NRXN2: variants seen among roughly 807,000 people sequenced by gnomAD.
NRXN2 encodes the protein neurexin 2.
Under a neutral mutation model 128.8 loss-of-function variants are expected in NRXN2, and 29 were observed. The observed-to-expected ratio is 0.23, with a 90% CI of 0.17 to 0.31. The LOEUF is 0.31. NRXN2 is among the 10% of genes least tolerant of loss of function. The pLI, the probability that NRXN2 is intolerant of heterozygous loss-of-function variation, is 1.00. For synonymous variants in NRXN2, 1,098 were observed against 1,075.2 expected, an observed-to-expected ratio of 1.02 and a Z score of -0.41; for missense variants, 1,881 against 2,452.6, an observed-to-expected ratio of 0.77 and a Z score of 4.92.
chr11:64,627,268 C>T lies in NRXN2; in HGVS notation c.3758-716G>A, dbSNP rs147986884. Among the ~76,000 whole-genome samples the T allele has an allele frequency of 6.0e-4, 92 of 152,082 alleles. No individual in the cohort carries two copies. In the Middle Eastern group the frequency reaches 0.01, roughly 17 times the overall value. Reference sequence around the variant, plus strand: ...CAAGGCCTCCTCACCCTGGTCAGGGCTCTCTTTCTACTGGGCAGCCACTAC... The same window carrying T: ...CAAGGCCTCCTCACCCTGGTCAGGGTTCTCTTTCTACTGGGCAGCCACTAC... On this transcript the variant is annotated intron_variant, in intron 19 of 22. Coordinates refer to ENST00000265459, the MANE Select transcript of NRXN2 (RefSeq NM_015080.4).
At chr11:64,627,314 G>T (rs1037046111) in intron 19 of NRXN2, among the ~76,000 whole-genome samples, 1 of 151,792 alleles carries the variant, frequency 6.6e-6, no homozygotes, top group Non-Finnish European at 1.5e-5. Flanking sequence ...CCTGGTGTGG[G>T]AGCTGGATCA....
chr11:64,640,033 T>C (rs1002079203), intron 17 of NRXN2, among the ~76,000 whole-genome samples: 13 of 151,966 alleles, frequency 8.6e-5, no homozygotes, highest in African/African-American at 2.9e-4. Context: ...CCCTCGTCCT[T>C]CCTCTCAGCT....
intron 12 of NRXN2, 53 bp downstream of exon 12, chr11:64,653,643 T>G: frequency 6.5e-7 from 1 of 1,542,096 alleles, no homozygotes. Context: ...AATCCCAGCG[T>G]CCAGCATCCC....
In NRXN2 at chr11:64,608,101, G is replaced by T. The variant is rs200425317; in HGVS notation, c.4253-19C>A. On this transcript the variant is annotated intron_variant, in intron 22 of 22. Coordinates refer to ENST00000265459, the MANE Select transcript of NRXN2 (RefSeq NM_015080.4). ...TCTCCTCCTAGAACAAGAGAGAGAA[G>T]AGAAAAGAGAGGGCGTCAGCGAGGG... is the stretch of plus-strand genomic sequence containing the variant. The T allele has an allele frequency of 4.6e-5, 72 of 1,574,490 alleles. No homozygotes were observed. Among genetic ancestry groups the T allele is most frequent in the Non-Finnish European group, 6.0e-5 (70 of 1,165,196 alleles).
intron 7 of NRXN2, among the ~76,000 whole-genome samples, chr11:64,671,080 G>T (rs2050569420): frequency 6.6e-6 from 1 of 152,168 alleles, no homozygotes; most frequent in African/African-American, 2.4e-5. Context: ...TTTCCCTCCT[G>T]ACTGGGCACA....
chr11:64,621,945 A>G (rs1264158177), intron 21 of NRXN2, among the ~76,000 whole-genome samples: 1 of 152,034 alleles, frequency 6.6e-6, no homozygotes, highest in East Asian at 1.9e-4. Context: ...GACCTGACCC[A>G]GGAAACACCT....
chr11:64,650,757 G>A, intron 14 of NRXN2, 119 bp from the exon 15 acceptor site: 1 of 972,278 alleles, frequency 1.0e-6, no homozygotes, highest in African/African-American at 1.6e-5. Context: ...GATTGAAAGG[G>A]AGACCCCAGA....
intron 6 of NRXN2, among the ~76,000 whole-genome samples, chr11:64,678,474 CCT>C (rs945402087): frequency 6.6e-6 from 1 of 152,058 alleles, no homozygotes; most frequent in Non-Finnish European, 1.5e-5. Context: ...CCCATAAACC[CCT>C]GAGTCTCCAC....
intron 2 of NRXN2, among the ~76,000 whole-genome samples, chr11:64,700,961 C>G (rs200416612): frequency 1.3e-5 from 2 of 152,194 alleles, no homozygotes; most frequent in South Asian, 4.1e-4. Flanking sequence ...GGCCAATCAC[C>G]GGGTCCTACT....
At chr11:64,677,609 G>C (rs1308163773) in intron 6 of NRXN2, among the ~76,000 whole-genome samples, 1 of 152,226 alleles carries the variant, frequency 6.6e-6, no homozygotes, top group Non-Finnish European at 1.5e-5. Context: ...TTTTCCAACA[G>C]AGGGTGAGAG....
chr11:64,676,564 C>T (rs998125059), intron 7 of NRXN2: 1 of 199,890 alleles, frequency 5.0e-6, no homozygotes, highest in Middle Eastern at 2.2e-3. Flanking sequence ...CATGGATTTT[C>T]AGGAGACCAA....
At chr11:64,612,511 G>T (rs2040828220) in intron 22 of NRXN2, among the ~76,000 whole-genome samples, 1 of 152,196 alleles carries the variant, frequency 6.6e-6, no homozygotes, top group African/African-American at 2.4e-5. Context: ...CAGTGCATGT[G>T]GGCCCCACTT....
Position 64,606,888 on chromosome 11 carries a change from C to G in NRXN2, c.*308G>C. The G allele has an allele frequency of 5.6e-6, 2 of 357,794 alleles. No homozygotes were observed. The highest frequency in any genetic ancestry group is 9.7e-5 in the East Asian group (2 of 20,642). 22.2% of individuals were successfully genotyped at this position (357,794 alleles called of 1,614,324 possible). A position where few individuals can be genotyped will look rare whatever the true frequency, so the allele number is the denominator to read the frequency against. The stretch of plus-strand genomic sequence containing the variant: ...CCCCCAGCCTTCCTTCCCACCCAAC[C>G]CCACCAAAATAAAACTACCCCCTTA... On this transcript the variant is annotated 3_prime_UTR_variant, in exon 23 of 23. Transcript: ENST00000265459.
chr11:64,650,434 G>A lies in NRXN2; in HGVS notation c.3109+14C>T, dbSNP rs374361906. 4 of 1,613,902 alleles carry A rather than the reference G, an allele frequency of 2.5e-6. No homozygotes were observed. Among genetic ancestry groups the A allele is most frequent in the African/African-American group, 1.3e-5 (1 of 74,914 alleles). On this transcript the variant is annotated intron_variant, in intron 15 of 22. Coordinates refer to ENST00000265459, the MANE Select transcript of NRXN2 (RefSeq NM_015080.4). ...GGGCTAGGGCCAGGCCTTCTCCAGA[G>A]GCCCCAGCCCCACCTTTGAGATCGA...
chr11:64,663,702 G>C (rs544500309), intron 9 of NRXN2, among the ~76,000 whole-genome samples: 1 of 152,182 alleles, frequency 6.6e-6, no homozygotes, highest in African/African-American at 2.4e-5. Flanking sequence ...GATGGGGAAG[G>C]GGTGTATAAT....
intron 7 of NRXN2, among the ~76,000 whole-genome samples, chr11:64,672,823 T>G (rs2050804885): frequency 6.6e-6 from 1 of 152,092 alleles, no homozygotes; most frequent in African/African-American, 2.4e-5. Context: ...GAGACTCGGG[T>G]TGGAAAGACA....
intron 1 of NRXN2, among the ~76,000 whole-genome samples, chr11:64,719,477 C>T (rs1383241529): frequency 1.3e-5 from 2 of 152,078 alleles, no homozygotes; most frequent in Admixed American, 1.3e-4. Flanking sequence ...TGGGCATGAG[C>T]GGCCATGTCT....
At chr11:64,681,362 G>A (rs1019139222) in intron 6 of NRXN2, among the ~76,000 whole-genome samples, 7 of 152,180 alleles carry the variant, frequency 4.6e-5, no homozygotes, top group Non-Finnish European at 8.8e-5. Context: ...TAGAAGTACA[G>A]ATAAGGAATG....
At position 64,622,876 on chromosome 11, in the gene NRXN2, C is replaced by A; in HGVS notation, c.4050G>T (p.Ala1350=). 10 of 1,612,900 alleles carry A rather than the reference C, an allele frequency of 6.2e-6. No homozygotes were observed. The highest frequency in any genetic ancestry group is 7.6e-6 in the Non-Finnish European group (9 of 1,179,868). ...CCAGCAGGGTGGTGGCCGTGGTCTCCGCACTGAGCAGCACGGACGGCCCCT... is the reference window on the plus strand; with the variant it reads ...CCAGCAGGGTGGTGGCCGTGGTCTCAGCACTGAGCAGCACGGACGGCCCCT... ...VGEGPSVLLS[A]ETTATTLLAD... The change falls in exon 21 of 23, where the codon GCG becomes GCT. Residue 1350 remains alanine, a synonymous_variant. Coordinates refer to ENST00000265459, the MANE Select transcript of NRXN2 (RefSeq NM_015080.4). The surrounding 1 kb of genome is among the most constrained non-coding windows in gnomAD (Gnocchi z 4.3).
Sources: gnomAD v4.1 joint callset for allele counts (sites outside exome capture counted in the v4.1 genomes callset) on GRCh38, gnomAD v4.1.1 for gene constraint, Gnocchi (gnomAD v3.1) non-coding constraint, MANE v1.5 for transcripts, NCBI Gene and HGNC (gene_info 2026-07-23, HGNC 2026-07-21) for gene names.